The following SLC26A7 variants were observed in gnomAD, a reference collection of about 807,000 sequenced individuals.
The protein encoded by SLC26A7 is anion exchange transporter.
A neutral mutation model predicts 82.5 loss-of-function variants in SLC26A7; 59 were observed. The observed-to-expected ratio is 0.72, with a 90% CI of 0.58 to 0.89. The LOEUF (loss-of-function observed/expected upper bound fraction) is 0.89. Ranked by LOEUF, SLC26A7 falls within the 40% of genes least tolerant of loss-of-function variation. The probability of loss-of-function intolerance (pLI) is 0.00; values close to 1 mark genes in which losing one functional copy is unlikely to be tolerated. For synonymous variants in SLC26A7, 271 were observed against 274.3 expected (o/e 0.99, Z 0.12); for missense variants, 820 against 793.0 (o/e 1.03, Z -0.41).
At chr8:91,215,004 CT>C (rs1359402123) in intron 1 of SLC26A7, among the ~76,000 whole-genome samples, 2 of 151,996 alleles carry the variant, frequency 1.3e-5, no homozygotes, top group African/African-American at 4.8e-5. Flanking sequence ...TCAGTATTGG[CT>C]GATCTAGGCC....
chr8:91,350,359 A>T (rs187658898), intron 9 of SLC26A7, among the ~76,000 whole-genome samples: 3,949 of 150,984 alleles, frequency 0.026, 167 homozygotes, highest in African/African-American at 0.089. Context: ...TTTTTTTTTT[A>T]AATTAAAAGT....
chr8:91,349,988 C>T (rs984543025), intron 9 of SLC26A7, among the ~76,000 whole-genome samples: 1 of 152,096 alleles, frequency 6.6e-6, no homozygotes, highest in Non-Finnish European at 1.5e-5. Flanking sequence ...GTAAAATCAC[C>T]AATTGCTCCT....
chr8:91,351,730 T>TC lies in SLC26A7; in HGVS notation c.1141-73dup, dbSNP rs963488519. On this transcript the variant is annotated intron_variant, in intron 9 of 18. Coordinates refer to ENST00000276609, the MANE Select transcript of SLC26A7 (RefSeq NM_052832.4). Reference sequence around the variant, plus strand: ...TCTAATCAAGATAAACTAAGAATTATCCCCCCCACCCCATAACTTTGACAT... The same window carrying TC: ...TCTAATCAAGATAAACTAAGAATTATCCCCCCCCACCCCATAACTTTGACAT... 81 of 870,214 alleles carry TC rather than the reference T, an allele frequency of 9.3e-5. No homozygotes were observed. The African/African-American group carries it at 1.1e-3, about 12-fold the overall frequency. 53.9% of individuals were successfully genotyped at this position (870,214 alleles called of 1,614,324 possible). A position where few individuals can be genotyped will look rare whatever the true frequency, so the allele number is the denominator to read the frequency against.
At chr8:91,335,963 G>T (rs1813229281) in intron 6 of SLC26A7, among the ~76,000 whole-genome samples, 2 of 152,020 alleles carry the variant, frequency 1.3e-5, no homozygotes, top group African/African-American at 4.8e-5. Flanking sequence ...ATATGTGTAT[G>T]TGTGGACACC....
At chr8:91,305,111 CTATT>C (rs1405685881) in intron 4 of SLC26A7, among the ~76,000 whole-genome samples, 1 of 152,110 alleles carries the variant, frequency 6.6e-6, no homozygotes, top group Non-Finnish European at 1.5e-5. Flanking sequence ...AGAACAGAGA[CTATT>C]TGTCTCTATA....
At chr8:91,343,104 T>TAA in intron 8 of SLC26A7, 6 of 339,560 alleles carry the variant, frequency 1.8e-5, no homozygotes, top group South Asian at 8.5e-5. Context: ...CAGAGAGCAT[T>TAA]AAAAAAAAAT....
At chr8:91,327,451 G>A (rs1334188016) in intron 5 of SLC26A7, among the ~76,000 whole-genome samples, 2 of 152,060 alleles carry the variant, frequency 1.3e-5, no homozygotes, top group Non-Finnish European at 2.9e-5. Context: ...TGGTGCTACT[G>A]TTGTCTTATT....
At chr8:91,311,245 C>T (rs1812474041) in intron 4 of SLC26A7, among the ~76,000 whole-genome samples, 2 of 152,158 alleles carry the variant, frequency 1.3e-5, no homozygotes, top group Admixed American at 1.3e-4. Flanking sequence ...TTGTTGCATC[C>T]ATTTAGCCTG....
chr8:91,225,643 GTTTTTTTTTT>G (rs55732709), intron 2 of SLC26A7, among the ~76,000 whole-genome samples: 15 of 36,124 alleles, frequency 4.2e-4, no homozygotes, highest in African/African-American at 1.6e-3. Flanking sequence ...CTAGAAAAGT[GTTTTTTTTTT>G]TTTTTTTTTT....
intron 16 of SLC26A7, among the ~76,000 whole-genome samples, chr8:91,390,741 C>A (rs1027138312): frequency 3.3e-5 from 5 of 152,114 alleles, no homozygotes; most frequent in Non-Finnish European, 7.4e-5. Context: ...TGTGTCTGTG[C>A]AGCTCAGGGA....
intron 2 of SLC26A7, among the ~76,000 whole-genome samples, chr8:91,237,051 T>G (rs988244637): frequency 3.9e-5 from 6 of 152,226 alleles, no homozygotes; most frequent in Non-Finnish European, 7.3e-5. Flanking sequence ...ATTTGACTGT[T>G]ACTACTACCC....
At chr8:91,284,792 T>G (rs955792236) in intron 2 of SLC26A7, among the ~76,000 whole-genome samples, 1 of 152,238 alleles carries the variant, frequency 6.6e-6, no homozygotes. Flanking sequence ...ATACAAAATT[T>G]AAATGATATT....
chr8:91,297,047 C>A (rs943598947), intron 4 of SLC26A7, among the ~76,000 whole-genome samples: 2 of 152,108 alleles, frequency 1.3e-5, no homozygotes, highest in Admixed American at 6.6e-5. Context: ...AATAAAAAAT[C>A]TTTGTATTAA....
At chr8:91,372,315 T>C (rs953499125) in intron 15 of SLC26A7, among the ~76,000 whole-genome samples, 6 of 152,008 alleles carry the variant, frequency 3.9e-5, no homozygotes, top group African/African-American at 1.4e-4. Context: ...CTTACACCAA[T>C]GTCCAGAAGA....
At chr8:91,227,962 C>T (rs1210575722) in intron 2 of SLC26A7, among the ~76,000 whole-genome samples, 2 of 152,150 alleles carry the variant, frequency 1.3e-5, no homozygotes, top group East Asian at 1.9e-4. Context: ...TGTTTTCCCT[C>T]GTGGCCTTGA....
rs527338099 is a variant in SLC26A7, at chr8:91,219,090, G to A, written c.-34+85G>A. On this transcript the variant is annotated intron_variant, in intron 2 of 5. Coordinates refer to the SLC26A7 transcript ENST00000522862. Reference sequence around the variant, plus strand: ...ATGCCCTACTTAAGATACCATGCCTGTTCTCTTTGTCAACACATTAAATAA... The same window carrying A: ...ATGCCCTACTTAAGATACCATGCCTATTCTCTTTGTCAACACATTAAATAA... The A allele has an allele frequency of 6.5e-5, 35 of 539,830 alleles. 1 individual carries two copies. The highest frequency in any genetic ancestry group is 5.0e-4 in the Admixed American group (13 of 26,010). The allele number at this position is 539,830 out of a possible 1,614,324, so 33.4% of individuals were successfully genotyped here. A position where few individuals can be genotyped will look rare whatever the true frequency, so the allele number is the denominator to read the frequency against.
At chr8:91,257,012 G>C (rs926195441) in intron 2 of SLC26A7, among the ~76,000 whole-genome samples, 3 of 152,024 alleles carry the variant, frequency 2.0e-5, no homozygotes, top group Non-Finnish European at 2.9e-5. Context: ...GGCTGACTCT[G>C]AGCCTCCCTT....
intron 2 of SLC26A7, among the ~76,000 whole-genome samples, chr8:91,223,146 T>C (rs189772908): frequency 1.6e-4 from 25 of 152,298 alleles, no homozygotes; most frequent in Admixed American, 5.9e-4. Context: ...TATTCTCTGA[T>C]GGTAGTTTGT....
intron 2 of SLC26A7, among the ~76,000 whole-genome samples, chr8:91,269,823 T>G (rs935953514): frequency 3.3e-5 from 5 of 152,088 alleles, no homozygotes; most frequent in Non-Finnish European, 7.4e-5. Context: ...ATATGTTCTA[T>G]GTTTGAGCTC....
Sources: gnomAD v4.1 joint callset for allele counts (sites outside exome capture counted in the v4.1 genomes callset) on GRCh38, gnomAD v4.1.1 for gene constraint, MANE v1.5 for transcripts, NCBI Gene and HGNC (gene_info 2026-07-23, HGNC 2026-07-21) for gene names.